The following OSBPL5 variants were observed in gnomAD, a reference collection of about 807,000 sequenced individuals.
OSBPL5 encodes oxysterol binding protein like 5.
In OSBPL5, 71 loss-of-function variants were observed where a neutral mutation model predicts 111.2. The ratio of observed to expected loss-of-function variants is 0.64; its 90% CI spans 0.53 to 0.78. OSBPL5 has a LOEUF of 0.78. OSBPL5 is among the 30% of genes least tolerant of loss of function. The pLI is 0.00. For missense variants in OSBPL5, 1,210 were observed against 1,189.3 expected, an observed-to-expected ratio of 1.02 and a Z score of -0.26; for synonymous variants, 549 against 513.9, an observed-to-expected ratio of 1.07 and a Z score of -0.93.
chr11:3,150,916 T>C (rs1846560495), intron 1 of OSBPL5, among the ~76,000 whole-genome samples: 1 of 152,186 alleles, frequency 6.6e-6, no homozygotes, highest in Admixed American at 6.5e-5. Flanking sequence ...CACGGCGGGC[T>C]GCCCGCTGTG....
intron 19 of OSBPL5, among the ~76,000 whole-genome samples, chr11:3,091,007 G>T (rs984901195): frequency 6.6e-6 from 1 of 152,218 alleles, no homozygotes. Flanking sequence ...TCCAATAAAT[G>T]CAGAGATGAT....
In OSBPL5 at chr11:3,100,652, G is replaced by A. The variant is rs1857420836; in HGVS notation, c.1523-396C>T. ...GTACTGCTGGTGAGGAGAGGACAGAGTTGGGAAAGGTGGGCTGAACCTGAG... is the reference window on the plus strand; with the variant it reads ...GTACTGCTGGTGAGGAGAGGACAGAATTGGGAAAGGTGGGCTGAACCTGAG... On this transcript the variant is annotated intron_variant, in intron 13 of 21. Transcript: ENST00000263650. Among the ~76,000 whole-genome samples the A allele has an allele frequency of 3.9e-5, 6 of 152,174 alleles. No individual in the cohort carries two copies. In the South Asian group the frequency reaches 1.2e-3, roughly 32 times the overall value.
At chr11:3,118,249 C>A (rs986545158) in intron 7 of OSBPL5, among the ~76,000 whole-genome samples, 1 of 152,174 alleles carries the variant, frequency 6.6e-6, no homozygotes, top group African/African-American at 2.4e-5. Context: ...GCCAACCTGC[C>A]CCCCCATTCT....
rs1856917581 is a variant in OSBPL5, at chr11:3,087,685, A to T, written c.*520T>A. The T allele has an allele frequency of 6.5e-6, 1 of 152,992 alleles. No individual in the cohort carries two copies. Among genetic ancestry groups the T allele is most frequent in the Non-Finnish European group, 1.5e-5 (1 of 68,664 alleles). The allele number at this position is 152,992 out of a possible 1,614,324, so 9.5% of individuals were successfully genotyped here. A position where few individuals can be genotyped will look rare whatever the true frequency, so the allele number is the denominator to read the frequency against. ...AAAATGCCTTCCCCAGAGTGGCCCT[A>T]ACCTGTCCCTGGCACCCACCAGTGG... On this transcript the variant is annotated 3_prime_UTR_variant, in exon 22 of 22. Transcript: ENST00000263650.
chr11:3,108,296 G>A (rs1485817181), intron 7 of OSBPL5, among the ~76,000 whole-genome samples: 1 of 147,986 alleles, frequency 6.8e-6, no homozygotes, highest in Non-Finnish European at 1.5e-5. Context: ...TGCTGACGAG[G>A]GGCTGGCATA....
chr11:3,135,717 C>T (rs907895163), intron 1 of OSBPL5, among the ~76,000 whole-genome samples: 7 of 152,214 alleles, frequency 4.6e-5, no homozygotes, highest in African/African-American at 1.4e-4. Flanking sequence ...GTGGTGGCAG[C>T]GCCTGGGGGC....
At chr11:3,100,087 A>C in intron 14 of OSBPL5, 71 bp downstream of exon 14, 1 of 1,401,872 alleles carries the variant, frequency 7.1e-7, no homozygotes, top group Middle Eastern at 1.8e-4. Flanking sequence ...CAAATAACCA[A>C]AGGGTTTTAG....
intron 1 of OSBPL5, among the ~76,000 whole-genome samples, chr11:3,139,065 G>C (rs1846033277): frequency 6.6e-6 from 1 of 152,220 alleles, no homozygotes; most frequent in African/African-American, 2.4e-5. Flanking sequence ...ACCGAGTGGG[G>C]ATCCTGGGGT....
At chr11:3,124,134 T>C (rs1858517832) in intron 3 of OSBPL5, among the ~76,000 whole-genome samples, 1 of 152,168 alleles carries the variant, frequency 6.6e-6, no homozygotes, top group African/African-American at 2.4e-5. Flanking sequence ...ATTCTCAGCA[T>C]TGTACAGAGG....
intron 5 of OSBPL5, 76 bp from the exon 6 acceptor site, chr11:3,120,700 G>A: frequency 6.5e-7 from 1 of 1,531,328 alleles, no homozygotes; most frequent in South Asian, 1.2e-5. Context: ...GCTTGGCGGG[G>A]AGCCAGGCAC....
chr11:3,101,756 C>CTGGGCTCTCGCTTCCTG, intron 12 of OSBPL5, 57 bp from the exon 13 acceptor site: 1 of 1,447,532 alleles, frequency 6.9e-7, no homozygotes, highest in Non-Finnish European at 9.6e-7. Flanking sequence ...TCCCAGGAAG[C>CTGGGCTCTCGCTTCCTG]GAGAGCCCAG....
In OSBPL5 at chr11:3,140,406, G is replaced by T. The variant is rs947400050; in HGVS notation, c.-21-11237C>A. 2.6e-5 allele frequency among the ~76,000 whole-genome samples: 4 copies of T among 152,148 alleles called. No individual in the cohort carries two copies. The highest frequency in any genetic ancestry group is 4.4e-5 in the Non-Finnish European group (3 of 68,006). Reference sequence around the variant, plus strand: ...CTAGGACACCCTTCCCAGGGCCAAGGCAGCCCAGGAAAAGCCAGCACAGCG... The same window carrying T: ...CTAGGACACCCTTCCCAGGGCCAAGTCAGCCCAGGAAAAGCCAGCACAGCG... On this transcript the variant is annotated intron_variant, in intron 1 of 21. Coordinates refer to ENST00000263650, the MANE Select transcript of OSBPL5 (RefSeq NM_020896.4). This position sits in a 1 kb window ranked among gnomAD's most constrained non-coding sequence, Gnocchi z 4.5.
At position 3,145,796 on chromosome 11, in the gene OSBPL5, C is replaced by T. The variant is rs532839891; in HGVS notation, c.-21-16627G>A. On this transcript the variant is annotated intron_variant, in intron 1 of 21. Transcript: ENST00000263650. ...GCCGAACAAGACCGGACCAGAACCC[C>T]GGCCTGTCGCCCTCAGTGGTTGGCA... 6.6e-5 allele frequency among the ~76,000 whole-genome samples: 10 copies of T among 152,320 alleles called. 1 individual carries two copies. The South Asian group carries it at 1.7e-3, about 25-fold the overall frequency.
intron 1 of OSBPL5, among the ~76,000 whole-genome samples, chr11:3,131,381 T>TCATCCATC (rs141516164): frequency 8.7e-5 from 12 of 138,030 alleles, no homozygotes; most frequent in African/African-American, 3.0e-4. Flanking sequence ...ACCCACCCAT[T>TCATCCATC]CATCCATCCA....
At chr11:3,098,984 G>A (rs1857369819) in intron 14 of OSBPL5, among the ~76,000 whole-genome samples, 1 of 151,314 alleles carries the variant, frequency 6.6e-6, no homozygotes, top group African/African-American at 2.4e-5. Context: ...GGTACTTTTT[G>A]TAGAGACAGG....
chr11:3,143,381 G>A (rs994433593), intron 1 of OSBPL5, among the ~76,000 whole-genome samples: 5 of 152,190 alleles, frequency 3.3e-5, no homozygotes, highest in African/African-American at 4.8e-5. Context: ...ACAAGCACAC[G>A]CCCCCAGGTG....
chr11:3,119,650 G>A lies in OSBPL5; in HGVS notation c.607-19C>T, dbSNP rs1269622608. ...TGGGGCCCTGGAGAGAGAGAGATCT[G>A]GGTGTCACCCGAGGCAACACCCAGG... is the stretch of plus-strand genomic sequence containing the variant. On this transcript the variant is annotated intron_variant, in intron 6 of 21. Transcript: ENST00000263650. 1 of 1,577,188 alleles carries A rather than the reference G, an allele frequency of 6.3e-7. No individual in the cohort carries two copies. The highest frequency in any genetic ancestry group is 1.9e-5 in the Admixed American group (1 of 53,430).
chr11:3,148,625 C>T (rs2134534385), intron 1 of OSBPL5, among the ~76,000 whole-genome samples: 1 of 152,344 alleles, frequency 6.6e-6, no homozygotes, highest in African/African-American at 2.4e-5. Context: ...TTGACATTTT[C>T]TATCATACGA....
intron 1 of OSBPL5, among the ~76,000 whole-genome samples, chr11:3,132,868 G>T (rs1845849799): frequency 6.6e-6 from 1 of 152,238 alleles, no homozygotes. Context: ...TGTCCCAGCA[G>T]CCAAGGCAGG....
Sources: allele counts gnomAD v4.1 joint callset (sites outside exome capture counted in the v4.1 genomes callset), GRCh38; gene constraint gnomAD v4.1.1; non-coding constraint Gnocchi (gnomAD v3.1); transcripts MANE v1.5; gene names NCBI Gene and HGNC (gene_info 2026-07-23, HGNC 2026-07-21).